The following MAP7D2 variants were observed in gnomAD, a reference collection of about 807,000 sequenced individuals.
MAP7D2 encodes MAP7 domain-containing protein 2.
In MAP7D2, 33 loss-of-function variants were observed where a neutral mutation model predicts 63.5. The observed-to-expected ratio is 0.52, with a 90% CI of 0.39 to 0.70. The LOEUF (loss-of-function observed/expected upper bound fraction) is 0.70. MAP7D2 is among the 30% of genes least tolerant of loss of function. The probability of loss-of-function intolerance (pLI) is 0.00; values close to 1 mark genes in which losing one functional copy is unlikely to be tolerated. For missense variants in MAP7D2, 626 were observed against 604.0 expected, an observed-to-expected ratio of 1.04 and a Z score of -0.38; for synonymous variants, 224 against 223.7, an observed-to-expected ratio of 1.00 and a Z score of -0.01.
chrX:20,102,918 C>A (rs1307743261), intron 1 of MAP7D2, among the ~76,000 whole-genome samples: 1 of 111,363 alleles, frequency 9.0e-6, no homozygotes, highest in Non-Finnish European at 1.9e-5. Context: ...AGTAAGATCA[C>A]CTTGTGTACA....
At chrX:20,076,420 T>C (rs963000692) in intron 1 of MAP7D2, among the ~76,000 whole-genome samples, 3 of 111,800 alleles carry the variant, frequency 2.7e-5, no homozygotes, top group Non-Finnish European at 5.6e-5. Context: ...AAAAAATGTA[T>C]ACAGGCCGGG....
chrX:20,014,517 G>A (rs1371490625), intron 12 of MAP7D2, among the ~76,000 whole-genome samples: 2 of 109,882 alleles, frequency 1.8e-5, no homozygotes, highest in Non-Finnish European at 3.8e-5. Flanking sequence ...GTGGTGAGCC[G>A]AGATCACACC....
chrX:20,116,310 C>T (rs919420812), intron 1 of MAP7D2, among the ~76,000 whole-genome samples: 1 of 113,190 alleles, frequency 8.8e-6, no homozygotes, highest in African/African-American at 3.2e-5. Context: ...GGGCCACCTT[C>T]GCCGCGGGCT....
At chrX:20,111,267 C>A (rs2066734865) in intron 1 of MAP7D2, among the ~76,000 whole-genome samples, 1 of 111,571 alleles carries the variant, frequency 9.0e-6, no homozygotes, top group African/African-American at 3.3e-5. Flanking sequence ...AAGTGCTCAA[C>A]AATTAGCGGC....
intron 8 of MAP7D2, among the ~76,000 whole-genome samples, chrX:20,038,552 T>C (rs780278089): frequency 1.2e-3 from 129 of 111,542 alleles, no homozygotes; most frequent in African/African-American, 4.0e-3. Context: ...TGGTACTGTT[T>C]CTCCCACAGC....
chrX:20,108,091 T>G (rs749200015), intron 1 of MAP7D2, among the ~76,000 whole-genome samples: 1 of 111,712 alleles, frequency 9.0e-6, no homozygotes, highest in African/African-American at 3.3e-5. Flanking sequence ...TTTACGTTTT[T>G]TTTGTTTGTT....
intron 9 of MAP7D2, among the ~76,000 whole-genome samples, chrX:20,025,407 C>T (rs766454028): frequency 2.7e-5 from 3 of 112,029 alleles, no homozygotes; most frequent in East Asian, 2.8e-4. Context: ...TCTTCTTTTG[C>T]GTGAGGTGCA....
At chrX:20,050,211 G>A (rs1196809443) in intron 6 of MAP7D2, among the ~76,000 whole-genome samples, 1 of 111,268 alleles carries the variant, frequency 9.0e-6, no homozygotes, top group Non-Finnish European at 1.9e-5. Flanking sequence ...GTCTGGTCCA[G>A]TGTTTCTCAG....
intron 10 of MAP7D2, among the ~76,000 whole-genome samples, chrX:20,022,706 T>C (rs2073697594): frequency 1.8e-5 from 2 of 111,724 alleles, no homozygotes; most frequent in South Asian, 7.5e-4. Context: ...ACAGAGCTCA[T>C]GAAAGAGAAG....
rs2073062536 is a variant in MAP7D2, at chrX:20,008,068, C to A, written c.*357G>T. The A allele has an allele frequency of 8.9e-6, 1 of 112,112 alleles. No homozygotes were observed. Among genetic ancestry groups the A allele is most frequent in the Non-Finnish European group, 1.9e-5 (1 of 53,278 alleles). The allele number at this position is 112,112 out of a possible 1,213,427, so 9.2% of individuals were successfully genotyped here. On this transcript the variant is annotated 3_prime_UTR_variant, in exon 17 of 17. Coordinates refer to ENST00000379643, the MANE Select transcript of MAP7D2 (RefSeq NM_001168465.2). ...ACATCTAAATGTTTATGTGCTCCAA[C>A]TTTGGGAATAAGAATGGTTATAAAG...
At chrX:20,097,350 T>G (rs936855723) in intron 1 of MAP7D2, among the ~76,000 whole-genome samples, 2 of 111,619 alleles carry the variant, frequency 1.8e-5, no homozygotes, top group Non-Finnish European at 3.8e-5. Context: ...GACCTTCTCT[T>G]AAGCTCTGGG....
chrX:20,055,654 T>C (rs1396102061), intron 4 of MAP7D2: 1 of 579,306 alleles, frequency 1.7e-6, no homozygotes. Flanking sequence ...GTAAAAGTGC[T>C]TGACGCAGAC....
At chrX:20,067,237 G>A (rs184679917) in intron 1 of MAP7D2, among the ~76,000 whole-genome samples, 109 of 111,396 alleles carry the variant, frequency 9.8e-4, no homozygotes, top group African/African-American at 3.3e-3. Flanking sequence ...GGCTGAAAGC[G>A]CTCTTCAAAC....
intron 10 of MAP7D2, among the ~76,000 whole-genome samples, chrX:20,018,116 G>A (rs1286658797): frequency 1.8e-5 from 2 of 110,048 alleles, no homozygotes; most frequent in African/African-American, 3.3e-5. Context: ...ACAGGTATGC[G>A]CCACCATGTC....
At chrX:20,085,577 G>A (rs969677934) in intron 1 of MAP7D2, among the ~76,000 whole-genome samples, 2 of 112,324 alleles carry the variant, frequency 1.8e-5, no homozygotes, top group Admixed American at 9.4e-5. Context: ...CACCTTCTGA[G>A]GTTTCAAAAT....
At chrX:20,115,685 C>T (rs2066873994) in intron 1 of MAP7D2, among the ~76,000 whole-genome samples, 1 of 111,438 alleles carries the variant, frequency 9.0e-6, no homozygotes, top group Non-Finnish European at 1.9e-5. Flanking sequence ...AAAATACTAC[C>T]TCGCCCCCTC....
chrX:20,082,805 T>C (rs762137755), intron 1 of MAP7D2, among the ~76,000 whole-genome samples: 20 of 111,711 alleles, frequency 1.8e-4, no homozygotes, highest in Admixed American at 1.6e-3. Flanking sequence ...ATGTTTTGTA[T>C]TTTTAGTAGA....
chrX:20,067,884 C>T (rs1282510914), intron 1 of MAP7D2, among the ~76,000 whole-genome samples: 1 of 112,208 alleles, frequency 8.9e-6, no homozygotes, highest in African/African-American at 3.2e-5. Context: ...GTGAGCCAAG[C>T]GCTGGCCCAG....
intron 1 of MAP7D2, among the ~76,000 whole-genome samples, chrX:20,081,123 A>T: frequency 8.9e-6 from 1 of 112,219 alleles, no homozygotes; most frequent in Middle Eastern, 4.6e-3. Context: ...AAATGTACAA[A>T]TATCTCTTTT....
Sources: allele counts gnomAD v4.1 joint callset (sites outside exome capture counted in the v4.1 genomes callset), GRCh38; gene constraint gnomAD v4.1.1; transcripts MANE v1.5; gene names NCBI Gene and HGNC (gene_info 2026-07-23, HGNC 2026-07-21).